The following LTBP1 variants were observed in gnomAD, a reference collection of about 807,000 sequenced individuals.
LTBP1 encodes latent-transforming growth factor beta-binding protein 1.
A neutral mutation model predicts 207.6 loss-of-function variants in LTBP1; 129 were observed. The observed-to-expected ratio is 0.62, with a 90% confidence interval of 0.54 to 0.72. The LOEUF (loss-of-function observed/expected upper bound fraction) is 0.72. LTBP1 is among the 30% of genes least tolerant of loss of function. The probability of loss-of-function intolerance (pLI) is 0.00; values close to 1 mark genes in which losing one functional copy is unlikely to be tolerated. For synonymous variants in LTBP1, 963 were observed against 833.7 expected (o/e 1.16, Z -2.67); for missense variants, 2,281 against 2,217.2 (o/e 1.03, Z -0.58).
chr2:33,253,348 T>A (rs1304512686), intron 11 of LTBP1, among the ~76,000 whole-genome samples: 1 of 152,358 alleles, frequency 6.6e-6, no homozygotes, highest in Middle Eastern at 3.4e-3. Context: ...TTGCCAAAAC[T>A]CCTGAAAACT....
chr2:33,363,698 C>G (rs1449625276), intron 29 of LTBP1, among the ~76,000 whole-genome samples, 180 bp downstream of exon 29: 1 of 152,170 alleles, frequency 6.6e-6, no homozygotes, highest in Non-Finnish European at 1.5e-5. Context: ...AAAACCACCT[C>G]CATACTACTG....
intron 14 of LTBP1, among the ~76,000 whole-genome samples, chr2:33,263,080 C>A (rs151057655): frequency 6.6e-6 from 1 of 151,768 alleles, no homozygotes; most frequent in East Asian, 1.9e-4. Context: ...TGAAGGTTAT[C>A]ATTTGATGAA....
chr2:33,105,392 C>T (rs774362795), intron 3 of LTBP1, among the ~76,000 whole-genome samples: 3 of 150,666 alleles, frequency 2.0e-5, no homozygotes, highest in Non-Finnish European at 2.9e-5. Context: ...CCTTACTGCT[C>T]GAAAATGCTA....
intron 31 of LTBP1, among the ~76,000 whole-genome samples, chr2:33,372,026 G>T (rs920507345): frequency 6.6e-6 from 1 of 152,128 alleles, no homozygotes; most frequent in African/African-American, 2.4e-5. Flanking sequence ...GTATATATAA[G>T]GTTGAGTACT....
intron 3 of LTBP1, among the ~76,000 whole-genome samples, chr2:33,028,639 A>T (rs2075546544): frequency 6.6e-6 from 1 of 152,206 alleles, no homozygotes; most frequent in Admixed American, 6.5e-5. Flanking sequence ...ATCCCAGGCC[A>T]GTAAGTAGTT....
intron 2 of LTBP1, among the ~76,000 whole-genome samples, chr2:32,985,279 C>T (rs1683376892): frequency 3.4e-5 from 1 of 29,038 alleles, no homozygotes; most frequent in African/African-American, 6.1e-5. Context: ...CTACTGAGCT[C>T]TTGATGTTGC....
intron 24 of LTBP1, among the ~76,000 whole-genome samples, chr2:33,324,526 G>A (rs1017914214): frequency 6.6e-6 from 1 of 151,874 alleles, no homozygotes; most frequent in Non-Finnish European, 1.5e-5. Flanking sequence ...ATTGTCATTG[G>A]TTTCCTTATT....
In LTBP1 at chr2:33,205,601, A is replaced by G. The variant is rs544291315; in HGVS notation, c.1702-11951A>G. ...AGAATATATGGCTTCCTTAATTCCT[A>G]CAGCAGGGAACGAGAGGTTCTGCAA... On this transcript the variant is annotated intron_variant, in intron 7 of 33. Transcript: ENST00000404816. 1.1e-4 allele frequency among the ~76,000 whole-genome samples: 17 copies of G among 152,202 alleles called. No individual in the cohort carries two copies. The South Asian group carries it at 1.2e-3, about 11-fold the overall frequency.
In LTBP1 at chr2:33,059,432, A is replaced by C. The variant is rs73924134; in HGVS notation, c.863+38226A>C. On this transcript the variant is annotated intron_variant, in intron 3 of 33. Coordinates refer to ENST00000404816, the MANE Select transcript of LTBP1 (RefSeq NM_206943.4). ...AAACTTCAAGCAAGCCTAGGGATCTAATTTCAAACACCTTAAAAGAGACTC... is the reference window on the plus strand; with the variant it reads ...AAACTTCAAGCAAGCCTAGGGATCTCATTTCAAACACCTTAAAAGAGACTC... Among the ~76,000 whole-genome samples the C allele has an allele frequency of 6.5e-3, 989 of 152,332 alleles. 9 individuals are homozygous for C. The highest frequency in any genetic ancestry group is 0.022 in the African/African-American group (929 of 41,568).
At chr2:32,995,351 A>G (rs147331809) in intron 2 of LTBP1, among the ~76,000 whole-genome samples, 475 of 152,122 alleles carry the variant, frequency 3.1e-3, no homozygotes, top group African/African-American at 0.011. Context: ...CCTGGGGTGG[A>G]GCTTAGAGTC....
intron 25 of LTBP1, among the ~76,000 whole-genome samples, chr2:33,343,533 T>G (rs1233154717): frequency 3.3e-5 from 5 of 152,188 alleles, no homozygotes; most frequent in Admixed American, 2.0e-4. Context: ...TAACTGAGTA[T>G]GCAGAACTCT....
intron 31 of LTBP1, among the ~76,000 whole-genome samples, chr2:33,378,702 C>T (rs545702209): frequency 3.3e-5 from 5 of 152,226 alleles, no homozygotes; most frequent in Admixed American, 2.6e-4. Flanking sequence ...ATTCAACTAA[C>T]GTTTGAATTT....
At chr2:33,072,562 G>C (rs1572496685) in intron 3 of LTBP1, among the ~76,000 whole-genome samples, 1 of 152,298 alleles carries the variant, frequency 6.6e-6, no homozygotes, top group South Asian at 2.1e-4. Flanking sequence ...GGGGATATCT[G>C]AGTATGTTTT....
chr2:33,382,768 A>G (rs964373119), intron 31 of LTBP1, among the ~76,000 whole-genome samples: 1 of 152,238 alleles, frequency 6.6e-6, no homozygotes, highest in Non-Finnish European at 1.5e-5. Flanking sequence ...CAAGGACTAG[A>G]ACCCAAGTCT....
At chr2:33,255,709 A>G (rs1400728226) in intron 11 of LTBP1, among the ~76,000 whole-genome samples, 1 of 152,180 alleles carries the variant, frequency 6.6e-6, no homozygotes, top group Non-Finnish European at 1.5e-5. Context: ...ATGAGGTTCT[A>G]CCATTTAGTG....
intron 3 of LTBP1, among the ~76,000 whole-genome samples, chr2:33,077,091 G>A (rs1366066606): frequency 1.3e-5 from 2 of 152,196 alleles, no homozygotes; most frequent in Non-Finnish European, 2.9e-5. Context: ...TCTAAAAGAG[G>A]ACACTGTCAG....
intron 20 of LTBP1, among the ~76,000 whole-genome samples, chr2:33,299,496 T>A (rs1252711155): frequency 6.6e-6 from 1 of 152,196 alleles, no homozygotes; most frequent in Non-Finnish European, 1.5e-5. Context: ...AGGGCTAAAG[T>A]GTTTTATATC....
Position 33,259,621 on chromosome 2 carries a change from C to A in LTBP1, c.2418+11C>A, listed in dbSNP as rs772546675. On this transcript the variant is annotated intron_variant, in intron 13 of 33. Coordinates refer to ENST00000404816, the MANE Select transcript of LTBP1 (RefSeq NM_206943.4). The stretch of plus-strand genomic sequence containing the variant: ...GCACCCCCTGAAAAGGTAATTTATT[C>A]ATTGCTTGCAAGTCTTTTTTTTTCA... The A allele has an allele frequency of 1.3e-6, 2 of 1,596,854 alleles. No homozygotes were observed. The highest frequency in any genetic ancestry group is 2.3e-5 in the South Asian group (2 of 87,042).
intron 3 of LTBP1, among the ~76,000 whole-genome samples, chr2:33,065,231 A>T (rs956174473): frequency 6.6e-6 from 1 of 152,118 alleles, no homozygotes; most frequent in African/African-American, 2.4e-5. Context: ...ATTAAGTTTT[A>T]AATGTTAAAC....
Sources: gnomAD v4.1 joint callset for allele counts (sites outside exome capture counted in the v4.1 genomes callset) on GRCh38, gnomAD v4.1.1 for gene constraint, MANE v1.5 for transcripts, NCBI Gene and HGNC (gene_info 2026-07-23, HGNC 2026-07-21) for gene names.